Variants in BTBD16 observed in about 807,000 individuals in gnomAD.
BTBD16 encodes BTB/POZ domain-containing protein 16.
BTBD16 carries 66 observed loss-of-function variants against 67.4 expected under a neutral mutation model. The observed-to-expected ratio is 0.98, with a 90% CI of 0.80 to 1.20. The LOEUF (loss-of-function observed/expected upper bound fraction) is 1.20, where lower values mean the gene tolerates loss of function less well. BTBD16 is among the 50% of genes most tolerant of loss of function. The pLI is 0.00. For missense variants in BTBD16, 634 were observed against 616.0 expected (o/e 1.03, Z -0.31); for synonymous variants, 242 against 236.4 (o/e 1.02, Z -0.22).
intron 10 of BTBD16, among the ~76,000 whole-genome samples, chr10:122,320,316 A>C (rs767899058): frequency 1.7e-4 from 26 of 152,104 alleles, no homozygotes; most frequent in East Asian, 1.9e-4. Context: ...TATTAAATAA[A>C]ATTTTAACTA....
rs540568948 is a variant in BTBD16, at chr10:122,278,696, G to A, written c.167+1757G>A. On this transcript the variant is annotated intron_variant, in intron 3 of 15. Transcript: ENST00000260723. ...CCAGCACAACAGGGGCAGAGGAGCC[G>A]GTCTTCTGGGGAGAAGCTTTTACAC... Among the ~76,000 whole-genome samples the A allele has an allele frequency of 4.6e-5, 7 of 152,214 alleles. No homozygotes were observed. In the East Asian group the frequency reaches 5.8e-4, roughly 13 times the overall value.
chr10:122,298,796 G>A (rs2096388319), intron 8 of BTBD16, among the ~76,000 whole-genome samples: 1 of 152,148 alleles, frequency 6.6e-6, no homozygotes, highest in South Asian at 2.1e-4. Context: ...TTTTCGCTGA[G>A]GATTGATTTA....
At chr10:122,285,050 T>C (rs1564960743) in intron 4 of BTBD16, among the ~76,000 whole-genome samples, 1 of 152,090 alleles carries the variant, frequency 6.6e-6, no homozygotes. Context: ...CTAAACAATA[T>C]CATAACATGG....
intron 9 of BTBD16, among the ~76,000 whole-genome samples, chr10:122,302,935 G>A (rs2142086043): frequency 6.6e-6 from 1 of 152,254 alleles, no homozygotes; most frequent in African/African-American, 2.4e-5. Flanking sequence ...CCTAAAGCCT[G>A]TGGTCATTAC....
intron 7 of BTBD16, among the ~76,000 whole-genome samples, chr10:122,293,024 C>CT (rs2096376889): frequency 6.6e-6 from 1 of 152,102 alleles, no homozygotes; most frequent in South Asian, 2.1e-4. Context: ...ATCTCCTGGG[C>CT]TTTTTGAGGG....
At chr10:122,286,272 G>A (rs2096363640) in intron 5 of BTBD16, 24 bp downstream of exon 5, 1 of 1,588,482 alleles carries the variant, frequency 6.3e-7, no homozygotes, top group African/African-American at 1.4e-5. Flanking sequence ...GGCACCCAGT[G>A]CTGGAGCCCC....
At chr10:122,274,527 T>C (rs996532529) in intron 1 of BTBD16, among the ~76,000 whole-genome samples, 12 of 152,212 alleles carry the variant, frequency 7.9e-5, no homozygotes, top group African/African-American at 2.7e-4. Context: ...AATGGGTTTC[T>C]GTTGCTTGTA....
At chr10:122,313,878 T>C (rs1022120656) in intron 10 of BTBD16, among the ~76,000 whole-genome samples, 1 of 152,226 alleles carries the variant, frequency 6.6e-6, no homozygotes, top group Non-Finnish European at 1.5e-5. Flanking sequence ...GTATGACATA[T>C]ACATCATTTT....
chr10:122,287,339 A>C, intron 5 of BTBD16: 3 of 749,192 alleles, frequency 4.0e-6, no homozygotes, highest in South Asian at 6.0e-5. Context: ...ATGGAAAAGC[A>C]GGAGAATTTG....
chr10:122,304,293 G>A (rs748165623), intron 9 of BTBD16, among the ~76,000 whole-genome samples: 1 of 152,222 alleles, frequency 6.6e-6, no homozygotes, highest in Non-Finnish European at 1.5e-5. Context: ...AGCATGAGAG[G>A]TGGGTGACAT....
Position 122,297,755 on chromosome 10 carries a change from T to A in BTBD16, c.591-13T>A. The A allele has an allele frequency of 5.0e-6, 8 of 1,613,690 alleles. No individual in the cohort carries two copies. Among genetic ancestry groups the A allele is most frequent in the Non-Finnish European group, 6.8e-6 (8 of 1,179,768 alleles). ...GTGGGGTTCCTCCAGAAACTGCAGTTCTCTCTCTCCAGGTGCGTGGATGTG... is the reference window on the plus strand; with the variant it reads ...GTGGGGTTCCTCCAGAAACTGCAGTACTCTCTCTCCAGGTGCGTGGATGTG... On this transcript the variant is annotated splice_polypyrimidine_tract_variant and intron_variant, in intron 7 of 15. Transcript: ENST00000260723.
intron 12 of BTBD16, 93 bp downstream of exon 12, chr10:122,331,351 C>T: frequency 6.4e-7 from 1 of 1,557,736 alleles, no homozygotes; most frequent in Non-Finnish European, 8.7e-7. Flanking sequence ...TTTGAAACCT[C>T]TAAACCTCTG....
At chr10:122,312,309 C>CTTTTTTTTTTTTTTT (rs58045019) in intron 10 of BTBD16, among the ~76,000 whole-genome samples, 4 of 105,622 alleles carry the variant, frequency 3.8e-5, no homozygotes, top group Admixed American at 1.0e-4. Flanking sequence ...TTTTCTTTTT[C>CTTTTTTTTTTTTTTT]TTTTTTTTTT....
intron 4 of BTBD16, among the ~76,000 whole-genome samples, chr10:122,284,800 G>C (rs2096360407): frequency 6.6e-6 from 1 of 151,364 alleles, no homozygotes; most frequent in South Asian, 2.1e-4. Flanking sequence ...CTGAACAGGA[G>C]AAGTAGTCTG....
rs747568703 is a variant in BTBD16, at chr10:122,275,062, C to T, written c.-20C>T. 26 of 1,613,498 alleles carry T rather than the reference C, an allele frequency of 1.6e-5. No homozygotes were observed. Among genetic ancestry groups the T allele is most frequent in the Non-Finnish European group, 2.1e-5 (25 of 1,179,628 alleles). On this transcript the variant is annotated 5_prime_UTR_variant, in exon 2 of 16. Transcript: ENST00000260723. ...TAGGTTGCTTGTCTTTTCTCTCCTG[C>T]GTAATTTCCACTTTCATTCATGATA... is the stretch of plus-strand genomic sequence containing the variant.
intron 10 of BTBD16, among the ~76,000 whole-genome samples, chr10:122,309,311 A>G (rs1402395983): frequency 1.3e-5 from 2 of 148,826 alleles, no homozygotes; most frequent in Non-Finnish European, 3.0e-5. Flanking sequence ...AATTATTACT[A>G]TTATTATTTT....
chr10:122,303,095 A>G (rs149339206), intron 9 of BTBD16, among the ~76,000 whole-genome samples: 1 of 152,234 alleles, frequency 6.6e-6, no homozygotes, highest in Non-Finnish European at 1.5e-5. Flanking sequence ...AATACAAAAC[A>G]CAATTGTACT....
chr10:122,298,650 G>A (rs2096388050), intron 8 of BTBD16, among the ~76,000 whole-genome samples: 1 of 152,154 alleles, frequency 6.6e-6, no homozygotes, highest in Admixed American at 6.5e-5. Flanking sequence ...AGTGGGCAAA[G>A]CCTATGGTCA....
intron 12 of BTBD16, chr10:122,331,845 T>C (rs1025423698): frequency 1.9e-5 from 3 of 154,408 alleles, no homozygotes; most frequent in Non-Finnish European, 2.9e-5. Flanking sequence ...TATTGTAATA[T>C]GCAAGCCACA....
Sources: gnomAD v4.1 joint callset for allele counts (sites outside exome capture counted in the v4.1 genomes callset) on GRCh38, gnomAD v4.1.1 for gene constraint, MANE v1.5 for transcripts, NCBI Gene and HGNC (gene_info 2026-07-23, HGNC 2026-07-21) for gene names.